Variants in TOP6BL observed in about 807,000 individuals in gnomAD.
TOP6BL encodes TOP6B like initiator of meiotic double strand breaks, also known as type 2 DNA topoisomerase 6 subunit B-like.
the TOP6BL span, among the ~76,000 whole-genome samples, chr11:66,750,713 T>C: frequency 0.016 from 2,439 of 151,416 alleles, 21 homozygotes; most frequent in Middle Eastern, 0.041. Context: ...CTTTTTTTTT[T>C]CCCCCAAATA....
the TOP6BL span, among the ~76,000 whole-genome samples, chr11:66,802,212 T>G: frequency 1.3e-5 from 2 of 151,424 alleles, no homozygotes; most frequent in Non-Finnish European, 2.9e-5. Context: ...CAGGCTGGAG[T>G]GCAGATCTCA....
At chr11:66,744,792 C>T in the TOP6BL span, 7 of 1,266,896 alleles carry the variant, frequency 5.5e-6, no homozygotes, top group South Asian at 6.2e-5. Flanking sequence ...TGGGCACTGG[C>T]GGAGTTCCAA....
At chr11:66,819,615 A>G in the TOP6BL span, among the ~76,000 whole-genome samples, 25 of 151,822 alleles carry the variant, frequency 1.6e-4, no homozygotes, top group African/African-American at 4.8e-4. Context: ...TACATATACA[A>G]ATTTGCCCGG....
the TOP6BL span, among the ~76,000 whole-genome samples, chr11:66,749,546 G>A: frequency 6.6e-6 from 1 of 151,984 alleles, no homozygotes; most frequent in African/African-American, 2.4e-5. Context: ...TTGTCTCTGA[G>A]CTTTAAGTAA....
the TOP6BL span, among the ~76,000 whole-genome samples, chr11:66,819,689 G>C: frequency 2.0e-5 from 3 of 152,032 alleles, no homozygotes; most frequent in African/African-American, 7.3e-5. Flanking sequence ...ATCACACTGA[G>C]GTCAGGAGTT....
chr11:66,747,182 C>T, the TOP6BL span, among the ~76,000 whole-genome samples: 5 of 151,958 alleles, frequency 3.3e-5, no homozygotes, highest in Non-Finnish European at 5.9e-5. Context: ...GGTGATCCAC[C>T]GCCTCAACCT....
chr11:66,773,172 C>T, the TOP6BL span, among the ~76,000 whole-genome samples: 1 of 152,178 alleles, frequency 6.6e-6, no homozygotes, highest in African/African-American at 2.4e-5. Context: ...CTGGCTCAAG[C>T]GATCCTCTTG....
the TOP6BL span, among the ~76,000 whole-genome samples, chr11:66,815,364 C>G: frequency 2.6e-5 from 4 of 152,258 alleles, no homozygotes; most frequent in African/African-American, 9.6e-5. Context: ...CATGGAGGTA[C>G]TTCTCTACAT....
chr11:66,791,163 C>T, the TOP6BL span, among the ~76,000 whole-genome samples: 1 of 152,068 alleles, frequency 6.6e-6, no homozygotes, highest in Non-Finnish European at 1.5e-5. Context: ...ATAGAGACTC[C>T]ATGGAAAAGC....
At chr11:66,756,508 G>A in the TOP6BL span, 2 of 1,048,656 alleles carry the variant, frequency 1.9e-6, no homozygotes, top group South Asian at 2.6e-5. Context: ...AATTATGGGT[G>A]AGGAGTGCTT....
At chr11:66,750,510 T>C in the TOP6BL span, among the ~76,000 whole-genome samples, 1 of 152,036 alleles carries the variant, frequency 6.6e-6, no homozygotes, top group Non-Finnish European at 1.5e-5. Flanking sequence ...ATCGCACCAC[T>C]GCACTCCAGC....
At chr11:66,790,740 A>C in the TOP6BL span, among the ~76,000 whole-genome samples, 4 of 152,236 alleles carry the variant, frequency 2.6e-5, no homozygotes, top group African/African-American at 9.6e-5. Flanking sequence ...GGCCATGGAA[A>C]TAGGTGGCTG....
the TOP6BL span, among the ~76,000 whole-genome samples, chr11:66,784,452 G>A: frequency 6.6e-6 from 1 of 152,294 alleles, no homozygotes; most frequent in East Asian, 1.9e-4. Context: ...ATGAGCCACT[G>A]CTTCCTGCCT....
chr11:66,838,452 T>G, the TOP6BL span: 2 of 1,612,872 alleles, frequency 1.2e-6, no homozygotes, highest in Non-Finnish European at 1.7e-6. Flanking sequence ...GCAGGTAAGG[T>G]TTTAGCTTTT....
At chr11:66,838,570 G>C in the TOP6BL span, 2 of 795,756 alleles carry the variant, frequency 2.5e-6, no homozygotes, top group Admixed American at 2.5e-5. Flanking sequence ...AATTTAGTGG[G>C]CTGTTGCTGC....
the TOP6BL span, among the ~76,000 whole-genome samples, chr11:66,773,210 C>T: frequency 6.6e-6 from 1 of 151,546 alleles, no homozygotes; most frequent in East Asian, 1.9e-4. Context: ...TAGGCCTGCA[C>T]CACCACACCT....
the TOP6BL span, among the ~76,000 whole-genome samples, chr11:66,750,637 T>C: frequency 6.6e-6 from 1 of 152,080 alleles, no homozygotes; most frequent in Non-Finnish European, 1.5e-5. Context: ...GCTAATACTT[T>C]TAACTCTGTT....
chr11:66,819,754 T>G, the TOP6BL span, among the ~76,000 whole-genome samples: 2 of 151,804 alleles, frequency 1.3e-5, no homozygotes, highest in East Asian at 3.9e-4. Flanking sequence ...AATACAAAAA[T>G]TAGCTGGGTG....
At chr11:66,821,436 C>T in the TOP6BL span, among the ~76,000 whole-genome samples, 3 of 152,018 alleles carry the variant, frequency 2.0e-5, no homozygotes, top group Admixed American at 6.6e-5. Context: ...TACAGGTGCC[C>T]GCCACCGTGC....
Sources: allele counts gnomAD v4.1 joint callset (sites outside exome capture counted in the v4.1 genomes callset), GRCh38; gene constraint gnomAD v4.1.1; transcripts MANE v1.5; gene names NCBI Gene and HGNC (gene_info 2026-07-23, HGNC 2026-07-21).